Variants in FXR1 observed in about 807,000 individuals in gnomAD.
FXR1 encodes RNA-binding protein FXR1.
In FXR1, 15 loss-of-function variants were observed where a neutral mutation model predicts 84.0. The ratio of observed to expected loss-of-function variants is 0.18; its 90% CI spans 0.12 to 0.27. FXR1 has a LOEUF of 0.27. Among genes scored for constraint, FXR1 ranks in the 10% least tolerant of loss-of-function variants. The pLI is 1.00. For missense variants in FXR1, 480 were observed against 774.4 expected, an observed-to-expected ratio of 0.62 and a Z score of 4.51; for synonymous variants, 245 against 250.7, an observed-to-expected ratio of 0.98 and a Z score of 0.21.
intron 1 of FXR1, among the ~76,000 whole-genome samples, chr3:180,926,492 ATATATATATATATATT>A (rs1719202149): frequency 9.7e-6 from 1 of 103,418 alleles, no homozygotes; most frequent in Non-Finnish European, 1.8e-5. Flanking sequence ...ATATATATAT[ATATATATATATATATT>A]TTTTTTTCTG....
Position 180,976,488 on chromosome 3 carries a change from A to G in FXR1, c.*196A>G. 1 of 397,824 alleles carries G rather than the reference A, an allele frequency of 2.5e-6. No individual in the cohort carries two copies. Among genetic ancestry groups the G allele is most frequent in the Non-Finnish European group, 4.6e-6 (1 of 219,684 alleles). 24.6% of individuals were successfully genotyped at this position (397,824 alleles called of 1,614,324 possible). ...TTTGACACCTACTGTGTTATAAAAT[A>G]TATCATCAGATGTGCCTTGAGAATA... is the stretch of plus-strand genomic sequence containing the variant. On this transcript the variant is annotated 3_prime_UTR_variant, in exon 17 of 17. Transcript: ENST00000357559.
chr3:180,916,358 T>C (rs577284234), intron 1 of FXR1, among the ~76,000 whole-genome samples: 1 of 152,338 alleles, frequency 6.6e-6, no homozygotes, highest in African/African-American at 2.4e-5. Context: ...TGTAATAGCA[T>C]TGCAATTTGT....
At chr3:180,972,752 C>G (rs377192650) in intron 15 of FXR1, among the ~76,000 whole-genome samples, 4 of 152,160 alleles carry the variant, frequency 2.6e-5, no homozygotes, top group East Asian at 1.9e-4. Flanking sequence ...CATACTACAT[C>G]TATTCCTGTT....
intron 10 of FXR1, 37 bp from the exon 11 acceptor site, chr3:180,961,431 T>C: frequency 9.4e-7 from 1 of 1,067,156 alleles, no homozygotes. Context: ...TTTGTTAAAA[T>C]ATTAAACACT....
At chr3:180,926,440 A>C (rs1387308516) in intron 1 of FXR1, among the ~76,000 whole-genome samples, 1 of 149,284 alleles carries the variant, frequency 6.7e-6, no homozygotes, top group African/African-American at 2.4e-5. Context: ...GGGTTAAGCC[A>C]AGGGTAGTTC....
At position 180,962,986 on chromosome 3, in the gene FXR1, A is replaced by G. The variant is rs373153153; in HGVS notation, c.1136-42A>G. The G allele has an allele frequency of 3.1e-6, 5 of 1,607,282 alleles. No homozygotes were observed. The African/African-American group carries it at 5.3e-5, about 17-fold the overall frequency. On this transcript the variant is annotated intron_variant, in intron 12 of 16. Transcript: ENST00000357559. The stretch of plus-strand genomic sequence containing the variant: ...TCCACCAGAGGGCCTGAAAAAGAGA[A>G]AGGATATGCCACTGATGAAAGTACC...
intron 3 of FXR1, among the ~76,000 whole-genome samples, chr3:180,945,744 A>G (rs1403366770): frequency 6.6e-6 from 1 of 152,180 alleles, no homozygotes; most frequent in Non-Finnish European, 1.5e-5. Context: ...ATACTGTCAT[A>G]TACCCTTTTA....
At chr3:180,974,954 C>G (rs1714048051) in intron 15 of FXR1, among the ~76,000 whole-genome samples, 1 of 116,982 alleles carries the variant, frequency 8.5e-6, no homozygotes, top group Non-Finnish European at 1.6e-5. Context: ...CCCCCGACTC[C>G]CCGATAATTG....
At chr3:180,944,614 A>G (rs1721498622) in intron 3 of FXR1, among the ~76,000 whole-genome samples, 1 of 152,136 alleles carries the variant, frequency 6.6e-6, no homozygotes, top group African/African-American at 2.4e-5. Flanking sequence ...GGCATGAGCC[A>G]CTGTGCCCCC....
intron 1 of FXR1, among the ~76,000 whole-genome samples, chr3:180,926,580 AAGAAGAATTTTG>A (rs1446588810): frequency 1.3e-5 from 2 of 150,358 alleles, no homozygotes; most frequent in Non-Finnish European, 3.0e-5. Context: ...AAACTCTTCT[AAGAAGAATTTTG>A]AAATATGAGA....
intron 9 of FXR1, chr3:180,954,076 CA>C (rs1248189017): frequency 2.8e-6 from 1 of 353,830 alleles, no homozygotes; most frequent in African/African-American, 2.1e-5. Flanking sequence ...TAATAAGGCC[CA>C]GGGTTTTTAT....
At chr3:180,942,159 A>G (rs1721193839) in intron 3 of FXR1, among the ~76,000 whole-genome samples, 1 of 151,918 alleles carries the variant, frequency 6.6e-6, no homozygotes, top group South Asian at 2.1e-4. Flanking sequence ...CGGGCAGATC[A>G]TGAGGTCAGG....
chr3:180,981,091 A>C lies in FXR1; in HGVS notation c.*4799A>C, dbSNP rs1215992687. On this transcript the variant is annotated 3_prime_UTR_variant, in exon 17 of 17. Coordinates refer to ENST00000357559, the MANE Select transcript of FXR1 (RefSeq NM_005087.4). The stretch of plus-strand genomic sequence containing the variant: ...AACCTACTACAAGCTTCTGAACTGC[A>C]AAACCTTTTTTTTAGGTCACTGTCA... The C allele has an allele frequency of 2.0e-5, 3 of 152,002 alleles. No homozygotes were observed. Among genetic ancestry groups the C allele is most frequent in the Non-Finnish European group, 4.4e-5 (3 of 67,924 alleles). 9.4% of individuals were successfully genotyped at this position (152,002 alleles called of 1,614,324 possible). A position where few individuals can be genotyped will look rare whatever the true frequency, so the allele number is the denominator to read the frequency against.
At chr3:180,964,700 T>TATATATATATATATATATATAA (rs1491324374) in intron 13 of FXR1, among the ~76,000 whole-genome samples, 1 of 139,804 alleles carries the variant, frequency 7.2e-6, no homozygotes. Context: ...TATATATATA[T>TATATATATATATATATATATAA]AATGAGTACT....
intron 1 of FXR1, among the ~76,000 whole-genome samples, chr3:180,913,744 A>G (rs1197374612): frequency 4.6e-5 from 7 of 152,196 alleles, no homozygotes; most frequent in African/African-American, 1.7e-4. Context: ...TTAGAAGATC[A>G]ATACAGAATC....
intron 1 of FXR1, among the ~76,000 whole-genome samples, chr3:180,926,506 A>ATATAT (rs72192827): frequency 1.7e-4 from 21 of 124,392 alleles, no homozygotes; most frequent in African/African-American, 2.9e-4. Context: ...ATATATATAT[A>ATATAT]TTTTTTTTTC....
At chr3:180,945,416 T>G (rs947437260) in intron 3 of FXR1, among the ~76,000 whole-genome samples, 1 of 152,352 alleles carries the variant, frequency 6.6e-6, no homozygotes, top group Non-Finnish European at 1.5e-5. Context: ...TACCTTTTTT[T>G]TCCCCCTGGA....
intron 3 of FXR1, among the ~76,000 whole-genome samples, chr3:180,939,675 T>C (rs1243403812): frequency 6.6e-6 from 1 of 152,214 alleles, no homozygotes. Flanking sequence ...GTGAATACTT[T>C]ATTAGCTTGT....
Position 180,976,233 on chromosome 3 carries a change from A to AT in FXR1, c.1809dup (p.Asn604Ter). 4 of 1,612,604 alleles carry AT rather than the reference A, an allele frequency of 2.5e-6. No homozygotes were observed. The highest frequency in any genetic ancestry group is 2.5e-6 in the Non-Finnish European group (3 of 1,178,812). ...ACAGCGTACTCCAGGAGAAGAAAAG[A>AT]TTAATACCTTAAAAGAAGAAAACAC... On this transcript the variant is annotated frameshift_variant, in exon 17 of 17. Transcript: ENST00000357559. LOFTEE classifies it high-confidence loss of function.
Sources: gnomAD v4.1 joint callset for allele counts (sites outside exome capture counted in the v4.1 genomes callset) on GRCh38, gnomAD v4.1.1 for gene constraint, MANE v1.5 for transcripts, NCBI Gene and HGNC (gene_info 2026-07-23, HGNC 2026-07-21) for gene names.